The following LSAMP variants were observed in gnomAD, a reference collection of about 807,000 sequenced individuals.
LSAMP encodes the protein limbic system associated membrane protein.
LSAMP carries 7 observed loss-of-function variants against 38.6 expected under a neutral mutation model. The ratio of observed to expected loss-of-function variants is 0.18; its 90% CI spans 0.10 to 0.34. LSAMP has a LOEUF of 0.34. LSAMP is among the 10% of genes least tolerant of loss of function. LSAMP has a pLI of 1.00. For missense variants in LSAMP, 313 were observed against 420.0 expected, an observed-to-expected ratio of 0.75 and a Z score of 2.23; for synonymous variants, 154 against 166.8, an observed-to-expected ratio of 0.92 and a Z score of 0.59.
chr3:116,242,366 T>G (rs1341428492), intron 1 of LSAMP, among the ~76,000 whole-genome samples: 1 of 152,164 alleles, frequency 6.6e-6, no homozygotes, highest in African/African-American at 2.4e-5. Flanking sequence ...TAGAAAAGCA[T>G]TAGCAGGTTG....
chr3:116,016,796 A>G (rs7632252), intron 3 of LSAMP, among the ~76,000 whole-genome samples: 65,042 of 152,026 alleles, frequency 0.43, 14,410 homozygotes, highest in African/African-American at 0.55. Flanking sequence ...TTGCATGTCA[A>G]AGAAATAAAA....
intron 1 of LSAMP, among the ~76,000 whole-genome samples, chr3:116,216,450 A>G (rs2046220965): frequency 6.6e-6 from 1 of 152,016 alleles, no homozygotes; most frequent in Admixed American, 6.6e-5. Context: ...AAATTAGTCT[A>G]TTTTTCCTGA....
rs1365714252 is a variant in LSAMP at position 115,898,370 on chromosome 3, T to A, written c.515-45753A>T. On this transcript the variant is annotated intron_variant, in intron 3 of 6. Transcript: ENST00000490035. The stretch of plus-strand genomic sequence containing the variant: ...GACTATAGAACTGTTTTACAGAGTG[T>A]TCATCAGGGCAAGCCATAAGGTGCA... Among the ~76,000 whole-genome samples, 4 of 152,082 alleles carry A rather than the reference T, an allele frequency of 2.6e-5. No homozygotes were observed. The East Asian group carries it at 7.7e-4, about 29-fold the overall frequency.
intron 3 of LSAMP, among the ~76,000 whole-genome samples, chr3:115,983,979 C>T (rs1413811725): frequency 6.6e-6 from 1 of 151,904 alleles, no homozygotes; most frequent in Admixed American, 6.6e-5. Flanking sequence ...AATTTGACAG[C>T]ACTATGGGAA....
chr3:116,271,956 T>C lies in LSAMP; in HGVS notation c.155+172921A>G, dbSNP rs529541690. On this transcript the variant is annotated intron_variant, in intron 1 of 6. Coordinates refer to ENST00000490035, the MANE Select transcript of LSAMP (RefSeq NM_002338.5). ...AAAATAATATGGGTTAGTATTCACTTGTGAAGGGAAAAATAAATTTAAAAC... is the reference window on the plus strand; with the variant it reads ...AAAATAATATGGGTTAGTATTCACTCGTGAAGGGAAAAATAAATTTAAAAC... Among the ~76,000 whole-genome samples the C allele has an allele frequency of 2.0e-5, 3 of 152,190 alleles. No individual in the cohort carries two copies. The South Asian group carries it at 6.2e-4, about 32-fold the overall frequency.
intron 1 of LSAMP, among the ~76,000 whole-genome samples, chr3:116,246,072 GAA>G (rs1297838966): frequency 6.6e-6 from 1 of 152,124 alleles, no homozygotes; most frequent in African/African-American, 2.4e-5. Context: ...AGAAAAAAAT[GAA>G]AAGTCAAATA....
intron 3 of LSAMP, among the ~76,000 whole-genome samples, chr3:116,007,648 C>G (rs1290151459): frequency 7.0e-6 from 1 of 143,554 alleles, no homozygotes; most frequent in African/African-American, 2.6e-5. Flanking sequence ...GCATATATAT[C>G]AAGATATTTT....
At chr3:116,244,977 A>G (rs1339579883) in intron 1 of LSAMP, among the ~76,000 whole-genome samples, 3 of 152,214 alleles carry the variant, frequency 2.0e-5, no homozygotes, top group African/African-American at 7.2e-5. Flanking sequence ...ATCAGATCAT[A>G]TCATCATAGT....
chr3:116,317,278 T>C (rs1448467918), intron 1 of LSAMP, among the ~76,000 whole-genome samples: 5 of 152,140 alleles, frequency 3.3e-5, no homozygotes, highest in Non-Finnish European at 7.4e-5. Context: ...TGCTCAATTC[T>C]TGAAGTCAGC....
At chr3:116,300,055 C>T (rs2047386412) in intron 1 of LSAMP, among the ~76,000 whole-genome samples, 1 of 152,188 alleles carries the variant, frequency 6.6e-6, no homozygotes, top group East Asian at 1.9e-4. Context: ...CCCTCCCTTT[C>T]CACCTTCCAC....
intron 3 of LSAMP, among the ~76,000 whole-genome samples, chr3:115,970,552 T>A (rs1324065252): frequency 6.6e-6 from 1 of 152,230 alleles, no homozygotes; most frequent in Admixed American, 6.5e-5. Context: ...TGGACCTTAG[T>A]GTACTTGGGG....
chr3:115,920,967 T>C (rs1470607616), intron 3 of LSAMP, among the ~76,000 whole-genome samples: 1 of 152,064 alleles, frequency 6.6e-6, no homozygotes, highest in African/African-American at 2.4e-5. Context: ...TTTGTCTCTT[T>C]TGACAGTTTT....
intron 1 of LSAMP, among the ~76,000 whole-genome samples, chr3:116,106,622 G>C (rs1007982954): frequency 1.3e-5 from 2 of 152,154 alleles, no homozygotes; most frequent in Admixed American, 1.3e-4. Context: ...ATGCTTGGCT[G>C]ATTTGACTAA....
intron 1 of LSAMP, among the ~76,000 whole-genome samples, chr3:116,304,798 A>AC (rs922178569): frequency 1.3e-5 from 2 of 152,132 alleles, no homozygotes; most frequent in African/African-American, 4.8e-5. Flanking sequence ...CAGTGAATAC[A>AC]CATGTGATGC....
chr3:116,151,636 G>C (rs1709613467), intron 1 of LSAMP, among the ~76,000 whole-genome samples: 1 of 152,040 alleles, frequency 6.6e-6, no homozygotes, highest in African/African-American at 2.4e-5. Context: ...GAGAGCCAGG[G>C]AAATCTGACA....
intron 3 of LSAMP, among the ~76,000 whole-genome samples, chr3:115,990,811 T>C (rs904894128): frequency 6.6e-6 from 1 of 152,070 alleles, no homozygotes; most frequent in African/African-American, 2.4e-5. Context: ...AATGTTAAGA[T>C]CACAGGGAGA....
At chr3:116,427,109 C>CTTTT (rs758726064) in intron 1 of LSAMP, among the ~76,000 whole-genome samples, 22 of 95,344 alleles carry the variant, frequency 2.3e-4, no homozygotes, top group African/African-American at 4.6e-4. Flanking sequence ...CTCTTTCTTT[C>CTTTT]TTTTTTTTTT....
chr3:116,257,905 A>G (rs1251501407), intron 1 of LSAMP, among the ~76,000 whole-genome samples: 1 of 152,178 alleles, frequency 6.6e-6, no homozygotes, highest in Non-Finnish European at 1.5e-5. Context: ...TTGTTTTCTC[A>G]GTAAACATGG....
intron 1 of LSAMP, among the ~76,000 whole-genome samples, chr3:116,310,272 C>T (rs1354782486): frequency 6.6e-6 from 1 of 152,082 alleles, no homozygotes; most frequent in Non-Finnish European, 1.5e-5. Context: ...ATATTATAAT[C>T]AAGGACAAGA....
Sources: gnomAD v4.1 joint callset for allele counts (sites outside exome capture counted in the v4.1 genomes callset) on GRCh38, gnomAD v4.1.1 for gene constraint, MANE v1.5 for transcripts, NCBI Gene and HGNC (gene_info 2026-07-23, HGNC 2026-07-21) for gene names.